RALYL: variants seen among roughly 807,000 people sequenced by gnomAD.
RALYL encodes RALY RNA binding protein like.
In RALYL, 29 loss-of-function variants were observed where a neutral mutation model predicts 35.1. The observed-to-expected ratio is 0.83, with a 90% CI of 0.61 to 1.13. The LOEUF (loss-of-function observed/expected upper bound fraction) is 1.13. Ranked by LOEUF, RALYL falls within the 50% of genes most tolerant of loss-of-function variation. RALYL has a pLI of 0.00. For synonymous variants in RALYL, 120 were observed against 127.6 expected (o/e 0.94, Z 0.40); for missense variants, 359 against 360.4 (o/e 1.00, Z 0.03).
At chr8:84,688,852 C>T (rs761703657) in intron 2 of RALYL, among the ~76,000 whole-genome samples, 14 of 151,728 alleles carry the variant, frequency 9.2e-5, no homozygotes, top group Non-Finnish European at 1.0e-4. Context: ...ATCTAAAATA[C>T]GTAAGAAACT....
intron 1 of RALYL, among the ~76,000 whole-genome samples, chr8:84,413,827 A>G (rs370254960): frequency 1.3e-5 from 2 of 152,158 alleles, no homozygotes; most frequent in South Asian, 2.1e-4. Flanking sequence ...CTTATTTCCT[A>G]TTTTGAGTCA....
At chr8:84,257,747 A>T (rs1831462278) in intron 1 of RALYL, among the ~76,000 whole-genome samples, 2 of 152,140 alleles carry the variant, frequency 1.3e-5, no homozygotes. Flanking sequence ...CTAACTGGAA[A>T]GGTACGACTC....
chr8:84,205,774 C>T (rs1347660725), intron 1 of RALYL, among the ~76,000 whole-genome samples: 1 of 152,090 alleles, frequency 6.6e-6, no homozygotes, highest in Non-Finnish European at 1.5e-5. Context: ...AAATGCTGAA[C>T]ATTGTGTTAG....
intron 5 of RALYL, among the ~76,000 whole-genome samples, chr8:84,860,461 G>C (rs1017948782): frequency 6.6e-6 from 1 of 152,088 alleles, no homozygotes; most frequent in African/African-American, 2.4e-5. Context: ...TTTGTATTTT[G>C]GTTCACTGAC....
At chr8:84,324,783 T>A (rs1327705333) in intron 1 of RALYL, among the ~76,000 whole-genome samples, 1 of 152,106 alleles carries the variant, frequency 6.6e-6, no homozygotes, top group Non-Finnish European at 1.5e-5. Flanking sequence ...ACTTGACGAA[T>A]CAGGTTTCAG....
intron 5 of RALYL, among the ~76,000 whole-genome samples, chr8:84,856,400 A>G (rs1035588472): frequency 2.0e-5 from 3 of 152,250 alleles, no homozygotes; most frequent in Non-Finnish European, 4.4e-5. Flanking sequence ...ACAGTTAGCA[A>G]TGTTAGATAA....
chr8:84,412,010 C>T (rs114571600), intron 1 of RALYL, among the ~76,000 whole-genome samples: 2,598 of 151,932 alleles, frequency 0.017, 72 homozygotes, highest in African/African-American at 0.059. Flanking sequence ...ACACAAAATG[C>T]GTAGAACTGC....
At chr8:84,568,048 T>C (rs939516513) in intron 2 of RALYL, among the ~76,000 whole-genome samples, 1 of 151,662 alleles carries the variant, frequency 6.6e-6, no homozygotes, top group African/African-American at 2.4e-5. Flanking sequence ...AGTTTTTTTT[T>C]AAATTTTATT....
At chr8:84,826,580 C>G (rs1446201988) in intron 4 of RALYL, among the ~76,000 whole-genome samples, 1 of 152,058 alleles carries the variant, frequency 6.6e-6, no homozygotes, top group Non-Finnish European at 1.5e-5. Flanking sequence ...TGGGAATTAG[C>G]AGTTTATCAT....
chr8:84,362,397 T>A (rs1853230809), intron 1 of RALYL, among the ~76,000 whole-genome samples: 1 of 152,116 alleles, frequency 6.6e-6, no homozygotes, highest in Admixed American at 6.6e-5. Flanking sequence ...TATCTCAGCA[T>A]CTGATGTGTC....
intron 2 of RALYL, among the ~76,000 whole-genome samples, chr8:84,716,822 A>G (rs1197147326): frequency 6.6e-6 from 1 of 152,202 alleles, no homozygotes; most frequent in African/African-American, 2.4e-5. Context: ...TGAAATAAAA[A>G]CAAATCATTA....
At chr8:84,527,814 G>A (rs921711857) in intron 1 of RALYL, among the ~76,000 whole-genome samples, 3 of 152,062 alleles carry the variant, frequency 2.0e-5, no homozygotes, top group African/African-American at 7.2e-5. Context: ...TTCTAATGGT[G>A]TTTTACTCTT....
At chr8:84,714,191 C>A (rs1264650805) in intron 2 of RALYL, among the ~76,000 whole-genome samples, 1 of 151,700 alleles carries the variant, frequency 6.6e-6, no homozygotes, top group Non-Finnish European at 1.5e-5. Context: ...TATTTGGAAT[C>A]TAAAATAGTG....
intron 2 of RALYL, among the ~76,000 whole-genome samples, chr8:84,644,225 G>A (rs1564297940): frequency 6.6e-6 from 1 of 151,906 alleles, no homozygotes; most frequent in Non-Finnish European, 1.5e-5. Context: ...GGAAAAGGGG[G>A]AAAAGTTTTA....
chr8:84,468,750 G>T (rs924328752), intron 1 of RALYL, among the ~76,000 whole-genome samples: 1 of 149,852 alleles, frequency 6.7e-6, no homozygotes, highest in South Asian at 2.1e-4. Context: ...TTCCAACTTG[G>T]TTCCATTCTC....
At chr8:84,334,229 T>C (rs1419655096) in intron 1 of RALYL, among the ~76,000 whole-genome samples, 12 of 152,142 alleles carry the variant, frequency 7.9e-5, no homozygotes, top group Admixed American at 7.2e-4. Flanking sequence ...GTTTTAGCAC[T>C]TTTATCTCAC....
chr8:84,234,661 G>C (rs1368068108), intron 1 of RALYL, among the ~76,000 whole-genome samples: 2 of 152,036 alleles, frequency 1.3e-5, no homozygotes, highest in Non-Finnish European at 2.9e-5. Flanking sequence ...CTGTCCATCT[G>C]CCCACCTTTT....
chr8:84,913,789 G>GT (rs1563858321), intron 8 of RALYL, among the ~76,000 whole-genome samples: 33 of 151,398 alleles, frequency 2.2e-4, no homozygotes, highest in Admixed American at 2.0e-3. Flanking sequence ...AGCTTTAAGT[G>GT]GTTTTTTTTA....
chr8:84,864,865 G>T, intron 6 of RALYL: 1 of 498,378 alleles, frequency 2.0e-6, no homozygotes, highest in South Asian at 2.1e-5. Context: ...AGAAACAAGG[G>T]GCAGCCAGCC....
Sources: allele counts gnomAD v4.1 joint callset (sites outside exome capture counted in the v4.1 genomes callset), GRCh38; gene constraint gnomAD v4.1.1; transcripts MANE v1.5; gene names NCBI Gene and HGNC (gene_info 2026-07-23, HGNC 2026-07-21).